Variants in MTRR observed in about 807,000 individuals in gnomAD.
MTRR encodes 5-methyltetrahydrofolate-homocysteine methyltransferase reductase.
A neutral mutation model predicts 79.2 loss-of-function variants in MTRR; 63 were observed. That is an observed-to-expected ratio of 0.80 (90% confidence interval 0.65 to 0.98). The LOEUF is 0.98. MTRR is among the 50% of genes least tolerant of loss of function. MTRR has a pLI of 0.00. For synonymous variants in MTRR, 355 were observed against 313.3 expected (o/e 1.13, Z -1.41); for missense variants, 895 against 839.6 (o/e 1.07, Z -0.82).
At chr5:7,896,842 A>G (rs767093910) in intron 12 of MTRR, 22 bp from the exon 13 acceptor site, 1 of 1,596,230 alleles carries the variant, frequency 6.3e-7, no homozygotes, top group Non-Finnish European at 8.6e-7. Flanking sequence ...CACACACCTA[A>G]ACTTTTTTTT....
At chr5:7,893,175 C>T in intron 11 of MTRR, 1 of 480,054 alleles carries the variant, frequency 2.1e-6, no homozygotes, top group South Asian at 2.2e-5. Context: ...AAAAGAAGAC[C>T]TTTTATGTTG....
At chr5:7,877,060 T>C (rs1734686214) in intron 4 of MTRR, among the ~76,000 whole-genome samples, 1 of 152,224 alleles carries the variant, frequency 6.6e-6, no homozygotes, top group African/African-American at 2.4e-5. Flanking sequence ...CACAGTGAAA[T>C]GACAACCTGA....
rs369430052 is a variant in MTRR, at chr5:7,895,751, A to C, written c.1575A>C (p.Arg525=). The change falls in exon 12 of 15, where the codon CGA becomes CGC. Residue 525 remains arginine (R), a synonymous_variant. Transcript: ENST00000440940. ...TATTTCAGATATCCATCTCTCCTCG[A>C]ACAACAAATTCTTTCCACTTACCAG... ...ALAPKISISP[R]TTNSFHLPDD... is the part of the protein sequence containing the mutation. The C allele has an allele frequency of 3.0e-5, 49 of 1,613,940 alleles. No individual in the cohort carries two copies. The highest frequency in any genetic ancestry group is 4.0e-5 in the Non-Finnish European group (47 of 1,179,962).
chr5:7,858,680 A>G (rs1288125808), intron 1 of MTRR, among the ~76,000 whole-genome samples: 1 of 151,904 alleles, frequency 6.6e-6, no homozygotes, highest in African/African-American at 2.4e-5. Context: ...TATCATCTCA[A>G]CCTGTTACAG....
In MTRR at chr5:7,892,656, A is replaced by G. The variant is rs1213999182; in HGVS notation, c.1371-71A>G. 9 of 1,441,380 alleles carry G rather than the reference A, an allele frequency of 6.2e-6. No individual in the cohort carries two copies. In the Admixed American group the frequency reaches 1.3e-4, roughly 21 times the overall value. 89.3% of individuals were successfully genotyped at this position (1,441,380 alleles called of 1,614,324 possible). A position where few individuals can be genotyped will look rare whatever the true frequency, so the allele number is the denominator to read the frequency against. On this transcript the variant is annotated intron_variant, in intron 10 of 14. Transcript: ENST00000440940. ...AAGGAAATATTTCTAAACTGAATAAAAGGATTGGTTTGACCCATATGTGTA... is the reference window on the plus strand; with the variant it reads ...AAGGAAATATTTCTAAACTGAATAAGAGGATTGGTTTGACCCATATGTGTA...
chr5:7,881,279 A>T (rs1371737964), intron 5 of MTRR, among the ~76,000 whole-genome samples: 2 of 151,986 alleles, frequency 1.3e-5, no homozygotes, highest in Non-Finnish European at 2.9e-5. Context: ...CTTAGGGGTT[A>T]GTCCCTTACC....
upstream of MTRR, chr5:7,867,197 A>G: frequency 6.2e-7 from 1 of 1,614,196 alleles, no homozygotes; most frequent in Non-Finnish European, 8.5e-7. Flanking sequence ...CATTTGGCTA[A>G]TCAATTTAGG....
chr5:7,895,892 A>G lies in MTRR; in HGVS notation c.1676+40A>G, dbSNP rs780248369. 5 of 1,612,672 alleles carry G rather than the reference A, an allele frequency of 3.1e-6. No individual in the cohort carries two copies. The African/African-American group carries it at 6.7e-5, about 22-fold the overall frequency. On this transcript the variant is annotated intron_variant, in intron 12 of 14. Transcript: ENST00000440940. ...TGGCTAATGGGAAAATGTATTCCTG[A>G]GTAACCGTTTTTGTTTCTTTAGTCA...
intron 1 of MTRR, chr5:7,861,907 G>T (rs889293112): frequency 8.3e-6 from 4 of 483,142 alleles, no homozygotes; most frequent in Non-Finnish European, 9.4e-6. Flanking sequence ...GTTATCTGGG[G>T]TATGACAAGA....
chr5:7,894,135 T>C (rs1239330914), intron 11 of MTRR, among the ~76,000 whole-genome samples: 1 of 152,206 alleles, frequency 6.6e-6, no homozygotes, highest in Non-Finnish European at 1.5e-5. Context: ...CTTCCCCATT[T>C]TAACAGATTT....
At chr5:7,878,354 T>C in intron 5 of MTRR, 32 bp downstream of exon 5, 1 of 1,610,188 alleles carries the variant, frequency 6.2e-7, no homozygotes, top group Admixed American at 1.7e-5. Flanking sequence ...CTATAGATGC[T>C]ATTTAATCAT....
At chr5:7,868,131 C>A (rs768912526), upstream of MTRR, 2 of 1,247,832 alleles carry the variant, frequency 1.6e-6, no homozygotes, top group Non-Finnish European at 2.2e-6. Context: ...TTTAAAAACA[C>A]ATGGTTAAAT....
chr5:7,879,817 T>A (rs890472150), intron 5 of MTRR, among the ~76,000 whole-genome samples: 3 of 152,164 alleles, frequency 2.0e-5, no homozygotes, highest in African/African-American at 7.2e-5. Flanking sequence ...CAGAGGGTCT[T>A]CTGGGTTGTG....
chr5:7,859,348 G>A, intron 1 of MTRR: 2 of 706,782 alleles, frequency 2.8e-6, no homozygotes, highest in Non-Finnish European at 4.7e-6. Context: ...ATTCTGCAAA[G>A]TGGCTAATTC....
intron 1 of MTRR, chr5:7,861,768 T>G: frequency 6.8e-7 from 1 of 1,460,538 alleles, no homozygotes; most frequent in Non-Finnish European, 9.1e-7. Flanking sequence ...TCAATTGGAC[T>G]GAAGGCTGCA....
chr5:7,861,726 G>T, intron 1 of MTRR: 1 of 1,542,468 alleles, frequency 6.5e-7, no homozygotes, highest in Non-Finnish European at 8.7e-7. Flanking sequence ...TCATTCCTTT[G>T]CTTTGCTTTG....
chr5:7,866,333 C>A (rs1177145373), upstream of MTRR, among the ~76,000 whole-genome samples: 3 of 129,218 alleles, frequency 2.3e-5, no homozygotes, highest in Non-Finnish European at 3.6e-5. Flanking sequence ...AAAAAAGATA[C>A]AGTTGCTCAC....
chr5:7,852,551 C>T (rs1438433057), intron 1 of MTRR, among the ~76,000 whole-genome samples: 1 of 152,042 alleles, frequency 6.6e-6, no homozygotes, highest in Non-Finnish European at 1.5e-5. Context: ...CCCCAGGGGA[C>T]CTAGCAACCT....
chr5:7,873,231 CACT>C, intron 2 of MTRR, 139 bp from the exon 3 acceptor site: 1 of 969,274 alleles, frequency 1.0e-6, no homozygotes, highest in Non-Finnish European at 1.7e-6. Context: ...AGCGCCTAGT[CACT>C]GGACTGGTCG....
Sources: gnomAD v4.1 joint callset for allele counts (sites outside exome capture counted in the v4.1 genomes callset) on GRCh38, gnomAD v4.1.1 for gene constraint, MANE v1.5 for transcripts, NCBI Gene and HGNC (gene_info 2026-07-23, HGNC 2026-07-21) for gene names.